The following TTC28 variants were observed in gnomAD, a reference collection of about 807,000 sequenced individuals.
TTC28 encodes tetratricopeptide repeat protein 28.
TTC28 carries 61 observed loss-of-function variants against 198.0 expected under a neutral mutation model. The observed-to-expected ratio is 0.31, with a 90% CI of 0.25 to 0.38. The LOEUF (loss-of-function observed/expected upper bound fraction) is 0.38, where lower values mean the gene tolerates loss of function less well. TTC28 is among the 10% of genes least tolerant of loss of function. The pLI, the probability that TTC28 is intolerant of heterozygous loss-of-function variation, is 1.00. For missense variants in TTC28, 2,678 were observed against 3,164.0 expected (o/e 0.85, Z 3.69); for synonymous variants, 1,171 against 1,297.8 (o/e 0.90, Z 2.10).
chr22:28,511,282 A>G (rs1328634969), intron 2 of TTC28, among the ~76,000 whole-genome samples: 1 of 152,238 alleles, frequency 6.6e-6, no homozygotes, highest in East Asian at 1.9e-4. Flanking sequence ...AGTAACTAAA[A>G]CAGCATGGTA....
intron 2 of TTC28, among the ~76,000 whole-genome samples, chr22:28,343,039 C>A (rs1332757358): frequency 2.0e-5 from 3 of 151,964 alleles, no homozygotes; most frequent in Non-Finnish European, 4.4e-5. Context: ...TAGTTGGTGG[C>A]AGAAGACAAC....
intron 2 of TTC28, among the ~76,000 whole-genome samples, chr22:28,319,435 G>C (rs1268772946): frequency 6.6e-6 from 1 of 151,988 alleles, no homozygotes; most frequent in Non-Finnish European, 1.5e-5. Context: ...GCATTTCTTT[G>C]TATTTCCTCT....
Position 28,036,812 on chromosome 22 carries a change from C to T in TTC28, c.3933-6446G>A, listed in dbSNP as rs537143624. The stretch of plus-strand genomic sequence containing the variant: ...AGAAAAGAGAGAAGAATCAAATAGA[C>T]GCAATAAAAAATGATAAAGGGGATA... On this transcript the variant is annotated intron_variant, in intron 12 of 22. Coordinates refer to ENST00000397906, the MANE Select transcript of TTC28 (RefSeq NM_001145418.2). 1.5e-3 allele frequency among the ~76,000 whole-genome samples: 235 copies of T among 152,074 alleles called. 1 individual carries two copies. Among genetic ancestry groups the T allele is most frequent in the African/African-American group, 4.2e-3 (176 of 41,464 alleles).
At chr22:28,614,884 G>C (rs1023604868) in intron 2 of TTC28, among the ~76,000 whole-genome samples, 3 of 152,136 alleles carry the variant, frequency 2.0e-5, no homozygotes, top group Non-Finnish European at 2.9e-5. Flanking sequence ...ATAGGCTTCG[G>C]CAAAGACTTC....
chr22:28,357,596 C>T (rs2046098693), intron 2 of TTC28, among the ~76,000 whole-genome samples: 2 of 152,140 alleles, frequency 1.3e-5, no homozygotes, highest in African/African-American at 4.8e-5. Context: ...CAGGCATGAG[C>T]CACCAAGCCC....
chr22:28,408,396 AT>A (rs531484059), intron 2 of TTC28, among the ~76,000 whole-genome samples: 182 of 144,758 alleles, frequency 1.3e-3, no homozygotes, highest in Non-Finnish European at 1.4e-3. Flanking sequence ...CCCAACTTTC[AT>A]TTTTTTTTTT....
At chr22:28,207,176 A>G (rs1926481079) in intron 5 of TTC28, among the ~76,000 whole-genome samples, 1 of 151,544 alleles carries the variant, frequency 6.6e-6, no homozygotes, top group Non-Finnish European at 1.5e-5. Flanking sequence ...CAAGCCACTA[A>G]GCCCTTCAAA....
chr22:28,562,787 G>A (rs1211572738), intron 2 of TTC28, among the ~76,000 whole-genome samples: 1 of 152,164 alleles, frequency 6.6e-6, no homozygotes, highest in Non-Finnish European at 1.5e-5. Flanking sequence ...TGACATGAAA[G>A]TCAATTACTT....
chr22:28,000,749 AG>A (rs1016146674), intron 15 of TTC28: 2 of 152,450 alleles, frequency 1.3e-5, no homozygotes, highest in African/African-American at 4.8e-5. Context: ...GGCAGGGCCA[AG>A]GGTGGCTGTG....
chr22:28,229,152 T>C (rs1334629053), intron 5 of TTC28, among the ~76,000 whole-genome samples: 1 of 152,090 alleles, frequency 6.6e-6, no homozygotes, highest in Non-Finnish European at 1.5e-5. Context: ...CAAGACTCCA[T>C]CTCAAAAAAC....
At chr22:28,182,909 ATTATTAAAAGTATAGCTG>A (rs1348197595) in intron 5 of TTC28, among the ~76,000 whole-genome samples, 5 of 152,220 alleles carry the variant, frequency 3.3e-5, no homozygotes, top group African/African-American at 1.2e-4. Context: ...TGTGATCTGT[ATTATTAAAAGTATAGCTG>A]TTTAGGTGAA....
chr22:28,349,527 T>C (rs1247547601), intron 2 of TTC28, among the ~76,000 whole-genome samples: 2 of 152,188 alleles, frequency 1.3e-5, no homozygotes, highest in African/African-American at 4.8e-5. Context: ...TCTCTCAGAC[T>C]GAAGTTACAG....
intron 2 of TTC28, among the ~76,000 whole-genome samples, chr22:28,578,206 C>A (rs1193329855): frequency 1.3e-5 from 2 of 152,106 alleles, no homozygotes; most frequent in Non-Finnish European, 2.9e-5. Context: ...ACTGATGACA[C>A]TGATTGCATG....
At chr22:28,304,183 G>A (rs2045086876) in intron 3 of TTC28, among the ~76,000 whole-genome samples, 1 of 152,072 alleles carries the variant, frequency 6.6e-6, no homozygotes, top group African/African-American at 2.4e-5. Context: ...TACTCAGGAG[G>A]CTGAGGCAGG....
At chr22:28,326,718 T>C (rs1044144575) in intron 2 of TTC28, among the ~76,000 whole-genome samples, 2 of 152,152 alleles carry the variant, frequency 1.3e-5, no homozygotes, top group African/African-American at 2.4e-5. Context: ...AAAAATGTTA[T>C]AAACCGATTT....
In TTC28 at chr22:28,561,120, C is replaced by T. The variant is rs1488604991; in HGVS notation, c.381+68432G>A. The stretch of plus-strand genomic sequence containing the variant: ...ACGGAGTCTCGCTCAGTCACCCAGG[C>T]TGGAGTGCAGTGGCGCAATCTAGGC... On this transcript the variant is annotated intron_variant, in intron 2 of 22. Coordinates refer to ENST00000397906, the MANE Select transcript of TTC28 (RefSeq NM_001145418.2). Among the ~76,000 whole-genome samples, 10 of 132,536 alleles carry T rather than the reference C, an allele frequency of 7.5e-5. No homozygotes were observed. The East Asian group carries it at 2.3e-3, about 30-fold the overall frequency. The allele number at this position is 132,536 out of a possible 152,430, so 86.9% of individuals were successfully genotyped here. A position where few individuals can be genotyped will look rare whatever the true frequency, so the allele number is the denominator to read the frequency against.
At position 28,161,260 on chromosome 22, in the gene TTC28, AG is replaced by A. The variant is rs200801553; in HGVS notation, c.1441+1831del. 1.6e-4 allele frequency among the ~76,000 whole-genome samples: 25 copies of A among 152,350 alleles called. No homozygotes were observed. The East Asian group carries it at 2.9e-3, about 18-fold the overall frequency. On this transcript the variant is annotated intron_variant, in intron 6 of 22. Coordinates refer to ENST00000397906, the MANE Select transcript of TTC28 (RefSeq NM_001145418.2). ...TAAAAAACAAAGAATCACCAAGTGCAGTGGCTCATGCCTGTCATCCCAACAC... is the reference window on the plus strand; with the variant it reads ...TAAAAAACAAAGAATCACCAAGTGCATGGCTCATGCCTGTCATCCCAACAC...
chr22:28,366,985 T>A (rs117598453), intron 2 of TTC28, among the ~76,000 whole-genome samples: 3,854 of 152,080 alleles, frequency 0.025, 70 homozygotes, highest in South Asian at 0.039. Flanking sequence ...AATACAATCA[T>A]AGCTGGAGAC....
intron 2 of TTC28, among the ~76,000 whole-genome samples, chr22:28,385,628 C>T (rs992359140): frequency 1.3e-5 from 2 of 151,806 alleles, no homozygotes; most frequent in Non-Finnish European, 2.9e-5. Flanking sequence ...AATAGGCACT[C>T]ACTTATTGTG....
Sources: gnomAD v4.1 joint callset for allele counts (sites outside exome capture counted in the v4.1 genomes callset) on GRCh38, gnomAD v4.1.1 for gene constraint, MANE v1.5 for transcripts, NCBI Gene and HGNC (gene_info 2026-07-23, HGNC 2026-07-21) for gene names.